AFG3L2: variants seen among roughly 807,000 people sequenced by gnomAD.
AFG3L2 encodes AFG3 like matrix AAA peptidase subunit 2.
A neutral mutation model predicts 94.5 loss-of-function variants in AFG3L2; 54 were observed. That is an observed-to-expected ratio of 0.57 (90% CI 0.46 to 0.72). The LOEUF is 0.72. AFG3L2 is among the 30% of genes least tolerant of loss of function. The pLI, the probability that AFG3L2 is intolerant of heterozygous loss-of-function variation, is 0.00. For synonymous variants in AFG3L2, 377 were observed against 365.5 expected (o/e 1.03, Z -0.36); for missense variants, 754 against 994.9 (o/e 0.76, Z 3.26).
At chr18:12,336,258 T>C (rs1907738700) in intron 16 of AFG3L2, among the ~76,000 whole-genome samples, 1 of 152,230 alleles carries the variant, frequency 6.6e-6, no homozygotes, top group African/African-American at 2.4e-5. Flanking sequence ...ACTTCCCCAA[T>C]TACTCCTACA....
At chr18:12,346,801 G>A (rs536342576) in intron 13 of AFG3L2, among the ~76,000 whole-genome samples, 42 of 150,964 alleles carry the variant, frequency 2.8e-4, no homozygotes, top group South Asian at 1.3e-3. Flanking sequence ...CTGTTTGGGA[G>A]GCTGAGGGAG....
At chr18:12,370,463 CTTTTTTTTTTTTTTTTCTT>C (rs979767209) in intron 3 of AFG3L2, among the ~76,000 whole-genome samples, 1 of 121,042 alleles carries the variant, frequency 8.3e-6, no homozygotes, top group Non-Finnish European at 1.7e-5. Flanking sequence ...CTATAACTTT[CTTTTTTTTTTTTTTTTCTT>C]TTTTTTTTGA....
At chr18:12,376,407 A>G (rs2143251261) in intron 1 of AFG3L2, among the ~76,000 whole-genome samples, 1 of 152,346 alleles carries the variant, frequency 6.6e-6, no homozygotes, top group South Asian at 2.1e-4. Context: ...ACCAACAGAG[A>G]AAGAGCCTCC....
At chr18:12,352,890 G>A in intron 10 of AFG3L2, 115 bp downstream of exon 10, 4 of 1,438,300 alleles carry the variant, frequency 2.8e-6, no homozygotes, top group African/African-American at 1.4e-5. Flanking sequence ...AGGGGTCAGA[G>A]GATGCAGTGA....
At chr18:12,338,852 G>A (rs1028609780) in intron 15 of AFG3L2, among the ~76,000 whole-genome samples, 2 of 152,062 alleles carry the variant, frequency 1.3e-5, no homozygotes, top group African/African-American at 4.8e-5. Flanking sequence ...TGATATGAAA[G>A]ATCTACTTAA....
rs1484572691 is a variant in AFG3L2 at position 12,340,379 on chromosome 18, T to C, written c.1802A>G (p.Lys601Arg). Residue 601 changes from lysine to arginine, a missense_variant, in exon 15 of 17, where the codon AAA (lysine) becomes AGA (arginine). Physicochemically the swap from Lys to Arg is conservative, Grantham distance 26 (BLOSUM62 2). Coordinates refer to ENST00000269143, the MANE Select transcript of AFG3L2 (RefSeq NM_006796.3). ...TAAATACTGAGCATAACCTAGTCCTTTGCCACGTGGGATGATGGATACCTG... is the reference window on the plus strand; with the variant it reads ...TAAATACTGAGCATAACCTAGTCCTCTGCCACGTGGGATGATGGATACCTG... ...LLKVSIIPRGKGLGYAQYLPK... is the reference protein window; with the variant it reads ...LLKVSIIPRGRGLGYAQYLPK... 1.2e-6 allele frequency: 2 copies of C among 1,614,024 alleles called. No individual in the cohort carries two copies. The highest frequency in any genetic ancestry group is 1.7e-5 in the Admixed American group (1 of 60,020).
chr18:12,353,896 T>G lies in AFG3L2; in HGVS notation c.1165-738A>C, dbSNP rs923974715. On this transcript the variant is annotated intron_variant, in intron 9 of 16. Transcript: ENST00000269143. ...TTAACAAGCTGAGGCTACTAAGGAG[T>G]CTATGCAATCACACATATACAGTGA... Among the ~76,000 whole-genome samples, 4 of 151,824 alleles carry G rather than the reference T, an allele frequency of 2.6e-5. No individual in the cohort carries two copies. The South Asian group carries it at 8.3e-4, about 32-fold the overall frequency.
At chr18:12,369,289 C>A (rs538022449) in intron 3 of AFG3L2, among the ~76,000 whole-genome samples, 26 of 152,284 alleles carry the variant, frequency 1.7e-4, no homozygotes, top group African/African-American at 5.5e-4. Context: ...ACTGGGAGAA[C>A]TGTAGGTACT....
intron 16 of AFG3L2, among the ~76,000 whole-genome samples, chr18:12,333,125 TATATATATAATA>T (rs1568132171): frequency 5.2e-5 from 3 of 57,340 alleles, no homozygotes; most frequent in Non-Finnish European, 1.2e-4. Flanking sequence ...TATAATAGAT[TATATATATAATA>T]TATATAATAT....
chr18:12,344,282 G>A (rs1056381461), intron 13 of AFG3L2, 35 bp from the exon 14 acceptor site: 5 of 1,536,728 alleles, frequency 3.3e-6, no homozygotes, highest in Admixed American at 3.3e-5. Flanking sequence ...CCAAGCCATT[G>A]TTACAGTGAC....
intron 16 of AFG3L2, among the ~76,000 whole-genome samples, chr18:12,334,470 A>G (rs1387291253): frequency 6.6e-6 from 1 of 152,134 alleles, no homozygotes; most frequent in East Asian, 1.9e-4. Flanking sequence ...ACACCTGGCT[A>G]TCTGGCAGCC....
chr18:12,372,298 C>T (rs1256874099), intron 1 of AFG3L2, among the ~76,000 whole-genome samples: 6 of 151,904 alleles, frequency 3.9e-5, no homozygotes, highest in South Asian at 4.2e-4. Flanking sequence ...AGTGAGACTC[C>T]GTCTCAAAAA....
At chr18:12,371,021 A>C (rs1313473331) in intron 2 of AFG3L2, 95 bp from the exon 3 acceptor site, 2 of 775,770 alleles carry the variant, frequency 2.6e-6, no homozygotes, top group African/African-American at 3.5e-5. Context: ...ATCACTGAAA[A>C]GCACAAGCTG....
chr18:12,360,186 G>T (rs932156906), intron 6 of AFG3L2, 135 bp from the exon 7 acceptor site: 1 of 852,360 alleles, frequency 1.2e-6, no homozygotes, highest in African/African-American at 1.7e-5. Context: ...AATAATAAAA[G>T]ACTGGCTTTA....
intron 9 of AFG3L2, among the ~76,000 whole-genome samples, chr18:12,356,437 C>T (rs1418401326): frequency 6.6e-6 from 1 of 152,212 alleles, no homozygotes; most frequent in Non-Finnish European, 1.5e-5. Flanking sequence ...CAGGCATGAG[C>T]CACCGCGCCC....
rs116850241 is a variant in AFG3L2, at chr18:12,364,737, C to T, written c.553-881G>A. Among the ~76,000 whole-genome samples, 114 of 152,224 alleles carry T rather than the reference C, an allele frequency of 7.5e-4. 1 individual carries two copies. In the East Asian group the frequency reaches 0.014, roughly 18 times the overall value. On this transcript the variant is annotated intron_variant, in intron 5 of 16. Coordinates refer to ENST00000269143, the MANE Select transcript of AFG3L2 (RefSeq NM_006796.3). ...CTGGAGTGCAGTGGTACAATCATAG[C>T]TCACTGCAGCCTCAACTTCTCTGGG...
At chr18:12,347,136 A>AAAAAC (rs1035383391) in intron 13 of AFG3L2, among the ~76,000 whole-genome samples, 1 of 152,212 alleles carries the variant, frequency 6.6e-6, no homozygotes, top group South Asian at 2.1e-4. Flanking sequence ...CAAAAAACAA[A>AAAAAC]AAAACAAAAC....
At chr18:12,363,730 T>A in intron 6 of AFG3L2, 52 bp downstream of exon 6, 2 of 1,448,736 alleles carry the variant, frequency 1.4e-6, no homozygotes, top group African/African-American at 2.8e-5. Flanking sequence ...CAGCTTTAAA[T>A]CTGAAAAAGT....
intron 7 of AFG3L2, 106 bp from the exon 8 acceptor site, chr18:12,359,049 C>A: frequency 6.8e-7 from 1 of 1,461,902 alleles, no homozygotes; most frequent in South Asian, 1.2e-5. Flanking sequence ...CCAAGGTATA[C>A]CTTCTGCACT....
Sources: gnomAD v4.1 joint callset for allele counts (sites outside exome capture counted in the v4.1 genomes callset) on GRCh38, gnomAD v4.1.1 for gene constraint, MANE v1.5 for transcripts, NCBI Gene and HGNC (gene_info 2026-07-23, HGNC 2026-07-21) for gene names.